The following EXOC1 variants were observed in gnomAD, a reference collection of about 807,000 sequenced individuals.
EXOC1 encodes the protein exocyst complex component 1, also known as SEC3-like 1.
Under a neutral mutation model 107.7 loss-of-function variants are expected in EXOC1, and 67 were observed. The observed-to-expected ratio is 0.62, with a 90% confidence interval of 0.51 to 0.76. EXOC1 has a LOEUF of 0.76. Ranked by LOEUF, EXOC1 falls within the 30% of genes least tolerant of loss-of-function variation. The pLI is 0.00. For synonymous variants in EXOC1, 348 were observed against 353.5 expected, an observed-to-expected ratio of 0.98 and a Z score of 0.17; for missense variants, 833 against 1,055.7, an observed-to-expected ratio of 0.79 and a Z score of 2.92.
chr4:55,874,444 A>C (rs898248568), intron 8 of EXOC1, among the ~76,000 whole-genome samples: 14 of 152,126 alleles, frequency 9.2e-5, no homozygotes, highest in Non-Finnish European at 1.2e-4. Context: ...AAAGAATAAG[A>C]ATTTCCTTTC....
intron 10 of EXOC1, among the ~76,000 whole-genome samples, chr4:55,884,370 T>G (rs1156722502): frequency 6.6e-6 from 1 of 152,216 alleles, no homozygotes; most frequent in Non-Finnish European, 1.5e-5. Flanking sequence ...TCCTGGCTTC[T>G]TACTTCTCAC....
chr4:55,902,249 C>T (rs1577797868), intron 17 of EXOC1, 95 bp from the exon 18 acceptor site: 1 of 900,534 alleles, frequency 1.1e-6, no homozygotes, highest in Non-Finnish European at 1.5e-6. Context: ...CTGATTTTTG[C>T]ATGGTGATTA....
At chr4:55,898,714 A>G (rs975258515) in intron 16 of EXOC1, among the ~76,000 whole-genome samples, 3 of 152,144 alleles carry the variant, frequency 2.0e-5, no homozygotes, top group African/African-American at 7.2e-5. Context: ...GTCATACCTG[A>G]CACACTATTT....
chr4:55,862,641 A>G (rs1252076835), intron 3 of EXOC1, among the ~76,000 whole-genome samples: 1 of 152,182 alleles, frequency 6.6e-6, no homozygotes, highest in Non-Finnish European at 1.5e-5. Context: ...TATAAATTGA[A>G]CTAATTAGTA....
At position 55,890,254 on chromosome 4, in the gene EXOC1, A is replaced by G; in HGVS notation, c.1407A>G (p.Gly469=). The part of the protein sequence containing the change: ...SLHGSSGKLT[G]STSSLNKLSV... Reference sequence around the variant, plus strand: ...ATGGAAGTTCGGGGAAATTAACTGGATCTACTTCTAGTCTAAATAAGCTCA... The same window carrying G: ...ATGGAAGTTCGGGGAAATTAACTGGGTCTACTTCTAGTCTAAATAAGCTCA... The change falls in exon 12 of 19, where the codon GGA becomes GGG. Residue 469 remains glycine (G), a synonymous_variant. Transcript: ENST00000381295. 1 of 1,613,986 alleles carries G rather than the reference A, an allele frequency of 6.2e-7. No individual in the cohort carries two copies. Among genetic ancestry groups the G allele is most frequent in the African/African-American group, 1.3e-5 (1 of 75,032 alleles).
intron 3 of EXOC1, among the ~76,000 whole-genome samples, chr4:55,861,199 T>C (rs1363442404): frequency 2.0e-5 from 3 of 152,128 alleles, no homozygotes; most frequent in Non-Finnish European, 4.4e-5. Flanking sequence ...AATTAGGTGC[T>C]TCCTCCCCCT....
At position 55,869,568 on chromosome 4, in the gene EXOC1, C is replaced by T. The variant is rs114143291; in HGVS notation, c.603+1045C>T. On this transcript the variant is annotated intron_variant, in intron 5 of 18. Transcript: ENST00000381295. ...GAAGTTATGGGGTCTGACTCAGGCC[C>T]AGAGAGATTATATGAATAGTCCAGG... 1.7e-3 allele frequency among the ~76,000 whole-genome samples: 265 copies of T among 152,102 alleles called. 1 individual carries two copies. The highest frequency in any genetic ancestry group is 6.2e-3 in the African/African-American group (259 of 41,490).
chr4:55,883,899 C>G lies in EXOC1; in HGVS notation c.1301C>G (p.Thr434Ser). The stretch of plus-strand genomic sequence containing the variant: ...TTTGAAGTTGCAAAGATCAAGATGA[C>G]TGGCACAACTAAAGAAAGCAAGAAG... ...DFFEVAKIKM[T>S]GTTKESKKFA... Residue 434 changes from threonine to serine, a missense_variant, in exon 10 of 19, where the codon ACT becomes AGT. By Grantham distance (58) the Thr-to-Ser change is moderately conservative. Coordinates refer to ENST00000381295, the MANE Select transcript of EXOC1 (RefSeq NM_001024924.2). 1 of 1,606,346 alleles carries G rather than the reference C, an allele frequency of 6.2e-7. No individual in the cohort carries two copies. The highest frequency in any genetic ancestry group is 1.3e-5 in the African/African-American group (1 of 74,550).
At position 55,875,855 on chromosome 4, in the gene EXOC1, A is replaced by C. The variant is rs370719253; in HGVS notation, c.1075-2062A>C. On this transcript the variant is annotated intron_variant, in intron 8 of 18. Transcript: ENST00000381295. Reference sequence around the variant, plus strand: ...TGAAGTGGGCCAATAACTTGAGCCCAGGAGTTTGGGGGCAACCTGGGCAGC... The same window carrying C: ...TGAAGTGGGCCAATAACTTGAGCCCCGGAGTTTGGGGGCAACCTGGGCAGC... The C allele has an allele frequency of 1.0e-5, 10 of 955,650 alleles. No individual in the cohort carries two copies. In the South Asian group the frequency reaches 2.9e-4, roughly 28 times the overall value. 59.2% of individuals were successfully genotyped at this position (955,650 alleles called of 1,614,324 possible).
chr4:55,872,107 CTT>C (rs1328927167), intron 8 of EXOC1, 149 bp downstream of exon 8: 1 of 745,678 alleles, frequency 1.3e-6, no homozygotes, highest in Non-Finnish European at 2.1e-6. Flanking sequence ...ATAGGAGCCT[CTT>C]TGCTCATAGA....
In EXOC1 at chr4:55,857,520, C is replaced by T. The variant is rs1008029842; in HGVS notation, c.-10-794C>T. ...AATAATCCATTGTATGGATATACCA[C>T]ATTTTGCTTATGTATCATTTGATGG... On this transcript the variant is annotated intron_variant, in intron 1 of 18. Coordinates refer to ENST00000381295, the MANE Select transcript of EXOC1 (RefSeq NM_001024924.2). Among the ~76,000 whole-genome samples the T allele has an allele frequency of 2.0e-5, 3 of 152,118 alleles. No homozygotes were observed. In the South Asian group the frequency reaches 6.2e-4, roughly 32 times the overall value.
At chr4:55,898,817 ATATGTCATTATCCAT>A (rs1201054069) in intron 16 of EXOC1, among the ~76,000 whole-genome samples, 3 of 152,178 alleles carry the variant, frequency 2.0e-5, no homozygotes, top group Admixed American at 6.5e-5. Context: ...ATAGTCATCC[ATATGTCATTATCCAT>A]TTACCAAATC....
chr4:55,887,318 G>C (rs1013564287), intron 10 of EXOC1, among the ~76,000 whole-genome samples: 4 of 152,014 alleles, frequency 2.6e-5, no homozygotes, highest in African/African-American at 9.7e-5. Flanking sequence ...AAAGAGTCGT[G>C]AATACAATGC....
chr4:55,891,444 G>A (rs1412966806), intron 13 of EXOC1, 22 bp downstream of exon 13: 3 of 1,468,360 alleles, frequency 2.0e-6, no homozygotes, highest in South Asian at 2.3e-5. Context: ...AGTGTATTTT[G>A]GATAGTATTT....
At chr4:55,858,584 G>C (rs551146296) in intron 2 of EXOC1, 137 bp downstream of exon 2, 218 of 821,718 alleles carry the variant, frequency 2.7e-4, no homozygotes, top group Non-Finnish European at 3.6e-4. Flanking sequence ...GTTAACACTT[G>C]GCTTTGACAG....
In EXOC1 at chr4:55,886,325, G is replaced by A. The variant is rs541097241; in HGVS notation, c.1330+2397G>A. On this transcript the variant is annotated intron_variant, in intron 10 of 18. Coordinates refer to ENST00000381295, the MANE Select transcript of EXOC1 (RefSeq NM_001024924.2). ...CCCAGCACTTTGGGAGGCTGAGCCG[G>A]GAGGATGACTTGAGCCCTGGAGGTC... Among the ~76,000 whole-genome samples, 9 of 152,044 alleles carry A rather than the reference G, an allele frequency of 5.9e-5. No homozygotes were observed. The East Asian group carries it at 1.5e-3, about 26-fold the overall frequency.
intron 8 of EXOC1, chr4:55,875,757 C>T (rs948972024): frequency 4.2e-5 from 41 of 985,246 alleles, no homozygotes; most frequent in East Asian, 1.1e-4. Context: ...CTTTAATCAG[C>T]GTGACCAATT....
chr4:55,867,094 A>T (rs1247010089), intron 4 of EXOC1, among the ~76,000 whole-genome samples: 1 of 152,230 alleles, frequency 6.6e-6, no homozygotes, highest in Non-Finnish European at 1.5e-5. Context: ...AGTTAATTAT[A>T]ATCATGTAAA....
intron 4 of EXOC1, 46 bp downstream of exon 4, chr4:55,864,432 A>G (rs1299134476): frequency 1.4e-6 from 2 of 1,424,318 alleles, no homozygotes; most frequent in Non-Finnish European, 1.9e-6. Flanking sequence ...TATATCTTTA[A>G]GTGAATATAT....
Sources: gnomAD v4.1 joint callset for allele counts (sites outside exome capture counted in the v4.1 genomes callset) on GRCh38, gnomAD v4.1.1 for gene constraint, MANE v1.5 for transcripts, NCBI Gene and HGNC (gene_info 2026-07-23, HGNC 2026-07-21) for gene names.